Variants in MAX observed in about 807,000 individuals in gnomAD.
The protein encoded by MAX is protein max.
A neutral mutation model predicts 22.3 loss-of-function variants in MAX; 3 were observed. The observed-to-expected ratio is 0.13, with a 90% CI of 0.06 to 0.35. The LOEUF is 0.35. Ranked by LOEUF, MAX falls within the 10% of genes least tolerant of loss-of-function variation. MAX has a pLI of 1.00. For missense variants in MAX, 119 were observed against 209.4 expected (o/e 0.57, Z 2.66); for synonymous variants, 72 against 77.7 (o/e 0.93, Z 0.39).
chr14:65,061,343 C>T (rs2062862462), intron 3 of MAX: 3 of 1,612,500 alleles, frequency 1.9e-6, no homozygotes, highest in Non-Finnish European at 2.5e-6. Context: ...TCTTTGCTCA[C>T]CCATCTCCCC....
chr14:65,071,722 G>A (rs2062989748), downstream of MAX, among the ~76,000 whole-genome samples: 2 of 152,310 alleles, frequency 1.3e-5, no homozygotes, highest in South Asian at 4.1e-4. This position sits in a 1 kb window ranked among gnomAD's most constrained non-coding sequence, Gnocchi z 4.2. Flanking sequence ...ACCCGCTCTG[G>A]CAGTCATTCT....
At chr14:65,052,310 T>C (rs955975552) in intron 3 of MAX, among the ~76,000 whole-genome samples, 1 of 152,150 alleles carries the variant, frequency 6.6e-6, no homozygotes, top group African/African-American at 2.4e-5. Context: ...GAAAAACGCA[T>C]AGAACCAAAA....
chr14:65,091,794 T>C (rs927400676), intron 3 of MAX: 1 of 152,234 alleles, frequency 6.6e-6, no homozygotes, highest in African/African-American at 2.4e-5. Context: ...TTACCTGACA[T>C]AATACATATA....
intron 1 of MAX, among the ~76,000 whole-genome samples, chr14:65,101,921 A>C (rs2063855817): frequency 6.6e-6 from 1 of 152,060 alleles, no homozygotes; most frequent in Non-Finnish European, 1.5e-5. Flanking sequence ...GGAGGAGAGG[A>C]TCGCAGTCCG....
In MAX at chr14:65,027,360, G is replaced by A; in HGVS notation, c.172-21076C>T. The A allele has an allele frequency of 6.4e-7, 1 of 1,560,126 alleles. No individual in the cohort carries two copies. Among genetic ancestry groups the A allele is most frequent in the Non-Finnish European group, 8.7e-7 (1 of 1,152,816 alleles). On this transcript the variant is annotated intron_variant, in intron 3 of 3. Transcript: ENST00000341653. The surrounding 1 kb of genome is among the most constrained non-coding windows in gnomAD (Gnocchi z 5.7). ...TCCCCTCAACTTTTGAGGGAGTGGGGGATCATTGGAAAGGCCTGGAATCTA... is the reference window on the plus strand; with the variant it reads ...TCCCCTCAACTTTTGAGGGAGTGGGAGATCATTGGAAAGGCCTGGAATCTA...
chr14:65,010,173 T>A (rs2139503532), intron 3 of MAX, among the ~76,000 whole-genome samples: 1 of 152,340 alleles, frequency 6.6e-6, no homozygotes, highest in East Asian at 1.9e-4. Context: ...TCCTCCCTGA[T>A]GGCCTGTGAC....
chr14:65,065,971 C>T (rs1595117729), intron 3 of MAX, among the ~76,000 whole-genome samples: 2 of 152,276 alleles, frequency 1.3e-5, no homozygotes, highest in African/African-American at 2.4e-5. Context: ...TGCCTGAGCC[C>T]GAGCCCGTAT....
At chr14:65,085,861 AG>A (rs930357244) in intron 3 of MAX, among the ~76,000 whole-genome samples, 4 of 152,152 alleles carry the variant, frequency 2.6e-5, no homozygotes, top group Non-Finnish European at 5.9e-5. Flanking sequence ...AGATAAGCTG[AG>A]AATGAAATTC....
chr14:65,098,935 T>C (rs1566629873), intron 2 of MAX, among the ~76,000 whole-genome samples: 1 of 152,216 alleles, frequency 6.6e-6, no homozygotes, highest in Non-Finnish European at 1.5e-5. Context: ...ACATGAATGT[T>C]TTTATATTAG....
intron 3 of MAX, among the ~76,000 whole-genome samples, chr14:65,063,270 A>G (rs2062896586): frequency 6.6e-6 from 1 of 152,206 alleles, no homozygotes. Context: ...ACATATTGAA[A>G]TGCATCCTTT....
chr14:65,058,434 TC>T (rs1437899485), intron 3 of MAX, among the ~76,000 whole-genome samples: 1 of 152,164 alleles, frequency 6.6e-6, no homozygotes, highest in African/African-American at 2.4e-5. Flanking sequence ...TTTAAGTTTG[TC>T]TAAGTTAGTT....
intron 3 of MAX, among the ~76,000 whole-genome samples, chr14:65,043,692 G>A (rs2062403619): frequency 6.6e-6 from 1 of 151,258 alleles, no homozygotes; most frequent in African/African-American, 2.4e-5. Context: ...CGCGGTGGCG[G>A]GCGCCTGTGG....
At chr14:65,087,182 T>C (rs545756755) in intron 3 of MAX, among the ~76,000 whole-genome samples, 87 of 152,310 alleles carry the variant, frequency 5.7e-4, no homozygotes, top group South Asian at 1.5e-3. Context: ...AGGGAGAAGT[T>C]TGCTGAAGGG....
chr14:65,040,448 T>C (rs1595075557), intron 3 of MAX, among the ~76,000 whole-genome samples: 1 of 151,966 alleles, frequency 6.6e-6, no homozygotes, highest in East Asian at 1.9e-4. Context: ...TTATTATACT[T>C]ACATTTTTTG....
chr14:65,023,994 C>A lies in MAX; in HGVS notation c.172-17710G>T, dbSNP rs1348883599. On this transcript the variant is annotated intron_variant, in intron 3 of 3. Coordinates refer to the MAX transcript ENST00000341653. This position sits in a 1 kb window ranked among gnomAD's most constrained non-coding sequence, Gnocchi z 4.1. ...GCATGCACCTGTAGTCCCAGCTACT[C>A]GGGAGGCTGAGGGAGGAGAATCACT... Among the ~76,000 whole-genome samples the A allele has an allele frequency of 6.6e-6, 1 of 151,736 alleles. No individual in the cohort carries two copies. The highest frequency in any genetic ancestry group is 1.5e-5 in the Non-Finnish European group (1 of 67,948).
intron 2 of MAX, among the ~76,000 whole-genome samples, chr14:65,099,544 A>AC (rs762142728): frequency 7.1e-6 from 1 of 139,866 alleles, no homozygotes; most frequent in Non-Finnish European, 1.5e-5. Flanking sequence ...AAAAACAAAC[A>AC]AACAAACAAA....
chr14:65,041,372 G>T (rs2062348716), intron 3 of MAX, among the ~76,000 whole-genome samples: 1 of 152,158 alleles, frequency 6.6e-6, no homozygotes, highest in African/African-American at 2.4e-5. Context: ...CATTGAGAAG[G>T]CAGCCCAACA....
downstream of MAX, among the ~76,000 whole-genome samples, chr14:65,073,771 C>T (rs1012389804): frequency 1.3e-5 from 2 of 152,180 alleles, no homozygotes; most frequent in African/African-American, 4.8e-5. Flanking sequence ...AGTTTCCAGG[C>T]GGAGCTCCCC....
chr14:65,096,506 C>G (rs957325425), intron 2 of MAX, among the ~76,000 whole-genome samples: 2 of 152,110 alleles, frequency 1.3e-5, no homozygotes, highest in African/African-American at 4.8e-5. Context: ...ACCACAGATC[C>G]ACCCAGACCA....
Sources: allele counts gnomAD v4.1 joint callset (sites outside exome capture counted in the v4.1 genomes callset), GRCh38; gene constraint gnomAD v4.1.1; non-coding constraint Gnocchi (gnomAD v3.1); transcripts MANE v1.5; gene names NCBI Gene and HGNC (gene_info 2026-07-23, HGNC 2026-07-21).